The following DIAPH3 variants were observed in gnomAD, a reference collection of about 807,000 sequenced individuals.
DIAPH3 encodes the protein diaphanous related formin 3, also known as protein diaphanous homolog 3.
A neutral mutation model predicts 144.3 loss-of-function variants in DIAPH3; 117 were observed. That is an observed-to-expected ratio of 0.81 (90% CI 0.70 to 0.95). The LOEUF is 0.95. Ranked by LOEUF, DIAPH3 falls within the 40% of genes least tolerant of loss-of-function variation. DIAPH3 has a pLI of 0.00. For synonymous variants in DIAPH3, 519 were observed against 488.9 expected (o/e 1.06, Z -0.81); for missense variants, 1,421 against 1,412.7 (o/e 1.01, Z -0.09).
Position 59,796,507 on chromosome 13 carries a change from A to T in DIAPH3, c.3163+14281T>A, listed in dbSNP as rs140151172. On this transcript the variant is annotated intron_variant, in intron 25 of 27. Transcript: ENST00000400324. ...AGTAAGACATTTTCATTTCTGTTCTACAAATATATTAAGTACCTTCCATTC... is the reference window on the plus strand; with the variant it reads ...AGTAAGACATTTTCATTTCTGTTCTTCAAATATATTAAGTACCTTCCATTC... 2.0e-3 allele frequency among the ~76,000 whole-genome samples: 298 copies of T among 152,334 alleles called. 1 individual carries two copies. Among genetic ancestry groups the T allele is most frequent in the African/African-American group, 6.6e-3 (274 of 41,578 alleles).
chr13:59,682,351 C>T (rs960587888), intron 27 of DIAPH3, among the ~76,000 whole-genome samples: 2 of 152,112 alleles, frequency 1.3e-5, no homozygotes, highest in African/African-American at 4.8e-5. Context: ...TTGACAGGGT[C>T]TTGTCTGTCG....
rs199644932 is a variant in DIAPH3 at position 59,779,516 on chromosome 13, C to CT, written c.3164-4694dup. ...TGTTACAAATGAAGGAAGTCTTTTT[C>CT]TTTTTTTTTTTTTGAGATGGAGTCT... On this transcript the variant is annotated intron_variant, in intron 25 of 27. Coordinates refer to ENST00000400324, the MANE Select transcript of DIAPH3 (RefSeq NM_001042517.2). Among the ~76,000 whole-genome samples, 1,208 of 144,698 alleles carry CT rather than the reference C, an allele frequency of 8.3e-3. 19 individuals are homozygous for CT. The East Asian group carries it at 0.091, about 11-fold the overall frequency. 94.9% of individuals were successfully genotyped at this position (144,698 alleles called of 152,430 possible).
intron 7 of DIAPH3, among the ~76,000 whole-genome samples, chr13:60,012,584 A>G (rs1433515445): frequency 6.6e-6 from 1 of 152,192 alleles, no homozygotes; most frequent in Non-Finnish European, 1.5e-5. Context: ...CTGTCCTAAT[A>G]AATCTGGGAA....
intron 17 of DIAPH3, among the ~76,000 whole-genome samples, chr13:59,961,262 G>T (rs1210987600): frequency 1.3e-5 from 2 of 152,146 alleles, no homozygotes; most frequent in African/African-American, 4.8e-5. Context: ...ACTACAATGA[G>T]CTGGGCACTG....
chr13:59,695,531 A>AATATT (rs2033755191), intron 27 of DIAPH3: 1 of 152,222 alleles, frequency 6.6e-6, no homozygotes, highest in African/African-American at 2.4e-5. Context: ...GACAAATATT[A>AATATT]GTTCTATTAA....
chr13:59,891,448 CA>C (rs199605332), intron 20 of DIAPH3, among the ~76,000 whole-genome samples: 12,263 of 131,546 alleles, frequency 0.093, 663 homozygotes, highest in East Asian at 0.3. Context: ...AAATTATCAT[CA>C]AAAAAAAAAA....
intron 5 of DIAPH3, among the ~76,000 whole-genome samples, chr13:60,031,732 CTTTTTTTTTTTTTTT>C (rs1165739891): frequency 1.5e-5 from 1 of 64,680 alleles, no homozygotes; most frequent in Non-Finnish European, 2.6e-5. Context: ...GTCATTAAAT[CTTTTTTTTTTTTTTT>C]TTTTTTTTTT....
intron 20 of DIAPH3, among the ~76,000 whole-genome samples, chr13:59,898,311 G>A (rs2140161756): frequency 6.6e-6 from 1 of 152,036 alleles, no homozygotes; most frequent in East Asian, 1.9e-4. Flanking sequence ...AACAAACAAA[G>A]GAAATGAAAT....
chr13:59,770,243 C>A (rs1593803753), intron 27 of DIAPH3, among the ~76,000 whole-genome samples: 1 of 152,218 alleles, frequency 6.6e-6, no homozygotes, highest in East Asian at 1.9e-4. Context: ...ATTTGGGTGA[C>A]ATTAAGAGAT....
At chr13:59,749,970 G>A (rs1001704315) in intron 27 of DIAPH3, among the ~76,000 whole-genome samples, 1 of 152,062 alleles carries the variant, frequency 6.6e-6, no homozygotes, top group Non-Finnish European at 1.5e-5. Context: ...AAATATACAT[G>A]GAGTTCTTTC....
At chr13:59,728,996 G>A (rs1007052046) in intron 27 of DIAPH3, among the ~76,000 whole-genome samples, 2 of 151,842 alleles carry the variant, frequency 1.3e-5, no homozygotes, top group Non-Finnish European at 2.9e-5. Flanking sequence ...ACTGGGAGCT[G>A]AAATCTCTGA....
At chr13:60,003,563 A>G (rs2052660272) in intron 9 of DIAPH3, among the ~76,000 whole-genome samples, 1 of 150,426 alleles carries the variant, frequency 6.6e-6, no homozygotes, top group Admixed American at 6.7e-5. Flanking sequence ...AGATAGATAG[A>G]TAGATATAGA....
At chr13:60,108,517 G>A (rs1462543224) in intron 3 of DIAPH3, among the ~76,000 whole-genome samples, 1 of 151,906 alleles carries the variant, frequency 6.6e-6, no homozygotes, top group Admixed American at 6.6e-5. Flanking sequence ...CTGAAGCAGG[G>A]ATTGCTTGAA....
intron 27 of DIAPH3, among the ~76,000 whole-genome samples, chr13:59,745,743 CACT>C (rs2036669184): frequency 6.6e-6 from 1 of 152,138 alleles, no homozygotes. Context: ...AGTGAACTGT[CACT>C]AGCAAACTGA....
At chr13:60,076,317 T>C (rs2057378777) in intron 4 of DIAPH3, among the ~76,000 whole-genome samples, 1 of 152,104 alleles carries the variant, frequency 6.6e-6, no homozygotes, top group Admixed American at 6.6e-5. Flanking sequence ...TTCCGACACC[T>C]CTCTCTCCGA....
chr13:59,798,262 CG>C (rs1272102457), intron 25 of DIAPH3, among the ~76,000 whole-genome samples: 2 of 152,302 alleles, frequency 1.3e-5, no homozygotes, highest in South Asian at 4.1e-4. Flanking sequence ...GATCCATCTG[CG>C]TTTTTGCTAC....
intron 24 of DIAPH3, among the ~76,000 whole-genome samples, chr13:59,830,133 T>C (rs894853619): frequency 6.6e-6 from 1 of 151,870 alleles, no homozygotes; most frequent in Non-Finnish European, 1.5e-5. Flanking sequence ...ATTAACCTGA[T>C]TTTCAAAGTT....
chr13:60,032,354 G>A (rs1157071662), intron 5 of DIAPH3, among the ~76,000 whole-genome samples: 1 of 152,170 alleles, frequency 6.6e-6, no homozygotes, highest in African/African-American at 2.4e-5. Context: ...CTTAGCAGAG[G>A]TTCTATGTGA....
intron 25 of DIAPH3, among the ~76,000 whole-genome samples, chr13:59,803,346 G>A (rs1345000033): frequency 1.3e-5 from 2 of 152,024 alleles, no homozygotes; most frequent in Non-Finnish European, 2.9e-5. Flanking sequence ...AAATTATTTT[G>A]CCTCAAATAA....
Sources: gnomAD v4.1 joint callset for allele counts (sites outside exome capture counted in the v4.1 genomes callset) on GRCh38, gnomAD v4.1.1 for gene constraint, MANE v1.5 for transcripts, NCBI Gene and HGNC (gene_info 2026-07-23, HGNC 2026-07-21) for gene names.